Variants in SLC10A7 observed in about 807,000 individuals in gnomAD.
SLC10A7 encodes sodium/bile acid cotransporter 7.
In SLC10A7, 29 loss-of-function variants were observed where a neutral mutation model predicts 43.2. That is an observed-to-expected ratio of 0.67 (90% CI 0.50 to 0.92). SLC10A7 has a LOEUF of 0.92. SLC10A7 is among the 40% of genes least tolerant of loss of function. The pLI, the probability that SLC10A7 is intolerant of heterozygous loss-of-function variation, is 0.00. For missense variants in SLC10A7, 295 were observed against 403.2 expected (o/e 0.73, Z 2.30); for synonymous variants, 152 against 144.8 (o/e 1.05, Z -0.35).
At chr4:146,325,443 T>C (rs1733034139) in intron 6 of SLC10A7, among the ~76,000 whole-genome samples, 1 of 152,220 alleles carries the variant, frequency 6.6e-6, no homozygotes, top group Non-Finnish European at 1.5e-5. Context: ...TTTTAATTTT[T>C]AAAGCACCTT....
At chr4:146,498,413 C>A (rs190901513) in intron 4 of SLC10A7, among the ~76,000 whole-genome samples, 1 of 152,114 alleles carries the variant, frequency 6.6e-6, no homozygotes, top group Non-Finnish European at 1.5e-5. Flanking sequence ...CCACCGCCCC[C>A]GGCCTTATTA....
chr4:146,373,722 CA>C (rs1432005711), intron 5 of SLC10A7, among the ~76,000 whole-genome samples: 1 of 152,092 alleles, frequency 6.6e-6, no homozygotes, highest in Non-Finnish European at 1.5e-5. Context: ...TACTAATATC[CA>C]AACTTTCATC....
Position 146,477,113 on chromosome 4 carries a change from T to C in SLC10A7, c.396+26736A>G, listed in dbSNP as rs185333441. On this transcript the variant is annotated intron_variant, in intron 4 of 11. Coordinates refer to ENST00000335472, the MANE Select transcript of SLC10A7 (RefSeq NM_001029998.6). ...AGGAATTAAAAGAAGCCTTGACCAC[T>C]ACACAAAGAATATGAAATCTCTGCA... 2.0e-5 allele frequency among the ~76,000 whole-genome samples: 3 copies of C among 152,362 alleles called. No homozygotes were observed. The East Asian group carries it at 5.8e-4, about 29-fold the overall frequency.
intron 5 of SLC10A7, among the ~76,000 whole-genome samples, chr4:146,420,284 G>A (rs569033914): frequency 1.7e-4 from 26 of 152,038 alleles, no homozygotes; most frequent in Admixed American, 2.6e-4. Context: ...CTACATTTCC[G>A]GTTTTTGTTC....
rs190502669 is a variant in SLC10A7, at chr4:146,426,835, A to C, written c.435+15948T>G. ...GGTTGCAGTGAGCCAAGATAGCTCCACTGCACTCCAGCCTGGGTGACAGAG... is the reference window on the plus strand; with the variant it reads ...GGTTGCAGTGAGCCAAGATAGCTCCCCTGCACTCCAGCCTGGGTGACAGAG... On this transcript the variant is annotated intron_variant, in intron 5 of 11. Transcript: ENST00000335472. 3.8e-3 allele frequency among the ~76,000 whole-genome samples: 586 copies of C among 152,298 alleles called. 3 individuals carry two copies. The highest frequency in any genetic ancestry group is 0.014 in the African/African-American group (565 of 41,570).
intron 1 of SLC10A7, 137 bp downstream of exon 1, chr4:146,521,481 G>A (rs976014782): frequency 6.5e-5 from 44 of 674,730 alleles, no homozygotes; most frequent in Non-Finnish European, 1.0e-4. Flanking sequence ...TAGAAAATCA[G>A]CAAAAGGGCC....
rs548616483 is a variant in SLC10A7, at chr4:146,341,507, CAT to C, written c.436-15513_436-15512del. Among the ~76,000 whole-genome samples the C allele has an allele frequency of 3.0e-4, 46 of 151,828 alleles. 1 individual carries two copies. The highest frequency in any genetic ancestry group is 2.0e-3 in the Admixed American group (31 of 15,222). ...AGACATAAGAATGTAACCATGCACACATATGTTTATACATAAATAGGATAAAA... is the reference window on the plus strand; with the variant it reads ...AGACATAAGAATGTAACCATGCACACATGTTTATACATAAATAGGATAAAA... On this transcript the variant is annotated intron_variant, in intron 5 of 11. Transcript: ENST00000335472.
chr4:146,328,620 A>G (rs780885796), intron 5 of SLC10A7, among the ~76,000 whole-genome samples: 14 of 151,582 alleles, frequency 9.2e-5, no homozygotes, highest in Admixed American at 2.0e-4. Flanking sequence ...CTCCACCACC[A>G]CCTCTGGGGT....
intron 4 of SLC10A7, among the ~76,000 whole-genome samples, chr4:146,482,140 T>C (rs1734529510): frequency 6.6e-6 from 1 of 152,072 alleles, no homozygotes; most frequent in African/African-American, 2.4e-5. Flanking sequence ...AGCCACTCTA[T>C]AAAGTTTGGA....
chr4:146,310,186 G>T (rs1731866099), intron 6 of SLC10A7, among the ~76,000 whole-genome samples: 1 of 152,140 alleles, frequency 6.6e-6, no homozygotes, highest in South Asian at 2.1e-4. Context: ...TATTCCATGG[G>T]TGTATATGTA....
intron 4 of SLC10A7, among the ~76,000 whole-genome samples, chr4:146,449,280 T>C (rs13142140): frequency 0.51 from 78,187 of 151,862 alleles, 20,641 homozygotes; most frequent in East Asian, 0.64. Context: ...ACCACAATGG[T>C]AGGGCAAGGA....
intron 5 of SLC10A7, among the ~76,000 whole-genome samples, chr4:146,334,716 G>A (rs1308070858): frequency 6.6e-6 from 1 of 152,046 alleles, no homozygotes; most frequent in Non-Finnish European, 1.5e-5. Context: ...GGTTTAACTT[G>A]TAGAACAGCA....
At chr4:146,419,972 T>C (rs1159526177) in intron 5 of SLC10A7, among the ~76,000 whole-genome samples, 1 of 152,136 alleles carries the variant, frequency 6.6e-6, no homozygotes, top group East Asian at 1.9e-4. Flanking sequence ...ACATAATGAA[T>C]ACTAACGAAC....
chr4:146,454,743 A>T (rs1465250333), intron 4 of SLC10A7, among the ~76,000 whole-genome samples: 1 of 151,920 alleles, frequency 6.6e-6, no homozygotes, highest in Non-Finnish European at 1.5e-5. Flanking sequence ...TGAATTGAAG[A>T]TAATACCAAA....
At chr4:146,358,203 C>A (rs1372795625) in intron 5 of SLC10A7, among the ~76,000 whole-genome samples, 1 of 152,008 alleles carries the variant, frequency 6.6e-6, no homozygotes, top group Non-Finnish European at 1.5e-5. Flanking sequence ...GTATCTGATT[C>A]TACATGGGAC....
At chr4:146,330,505 G>A (rs1309501694) in intron 5 of SLC10A7, among the ~76,000 whole-genome samples, 2 of 152,080 alleles carry the variant, frequency 1.3e-5, no homozygotes, top group African/African-American at 4.8e-5. Context: ...TCTAAAGTGC[G>A]AACCCCTCTC....
intron 5 of SLC10A7, among the ~76,000 whole-genome samples, chr4:146,342,037 A>T (rs1411083363): frequency 1.3e-5 from 2 of 151,850 alleles, no homozygotes; most frequent in Non-Finnish European, 3.0e-5. Flanking sequence ...AACAGTATCC[A>T]CCCATTCCTC....
intron 10 of SLC10A7, among the ~76,000 whole-genome samples, chr4:146,266,650 C>A (rs1373763575): frequency 6.6e-6 from 1 of 152,140 alleles, no homozygotes; most frequent in African/African-American, 2.4e-5. Flanking sequence ...TATGCTAAAG[C>A]AAGCTAATTT....
intron 5 of SLC10A7, among the ~76,000 whole-genome samples, chr4:146,374,841 A>G (rs1182642003): frequency 3.3e-5 from 5 of 152,196 alleles, no homozygotes; most frequent in Non-Finnish European, 7.3e-5. Context: ...GGATGTAAAA[A>G]GTACTGTATT....
Sources: gnomAD v4.1 joint callset for allele counts (sites outside exome capture counted in the v4.1 genomes callset) on GRCh38, gnomAD v4.1.1 for gene constraint, MANE v1.5 for transcripts, NCBI Gene and HGNC (gene_info 2026-07-23, HGNC 2026-07-21) for gene names.